Variants in CD53 observed in about 807,000 individuals in gnomAD.
CD53 encodes leukocyte surface antigen CD53.
A neutral mutation model predicts 27.3 loss-of-function variants in CD53; 20 were observed. That is an observed-to-expected ratio of 0.73 (90% confidence interval 0.52 to 1.07). The LOEUF is 1.07. CD53 is among the 50% of genes least tolerant of loss of function. The pLI, the probability that CD53 is intolerant of heterozygous loss-of-function variation, is 0.00. For missense variants in CD53, 216 were observed against 264.0 expected, an observed-to-expected ratio of 0.82 and a Z score of 1.26; for synonymous variants, 106 against 105.3, an observed-to-expected ratio of 1.01 and a Z score of -0.04.
intron 7 of CD53, 34 bp from the exon 8 acceptor site, chr1:110,899,090 T>G: frequency 6.4e-7 from 1 of 1,573,938 alleles, no homozygotes; most frequent in Non-Finnish European, 8.7e-7. Context: ...GCTTTTCTTA[T>G]GAAGACTTCA....
At position 110,892,415 on chromosome 1, in the gene CD53, A is replaced by G. The variant is rs1194580798; in HGVS notation, c.134A>G (p.His45Arg). 1.9e-6 allele frequency: 3 copies of G among 1,613,966 alleles called. No homozygotes were observed. The highest frequency in any genetic ancestry group is 1.3e-5 in the African/African-American group (1 of 75,022). ...CACAACAACTTCGGAGTGCTCTTCC[A>G]TAACCTCCCCTCCCTCACGCTGGGC... Reference protein sequence around the residue: ...LIHNNFGVLFHNLPSLTLGNV... With the variant: ...LIHNNFGVLFRNLPSLTLGNV... The change falls in exon 3 of 8, where the codon CAT becomes CGT. Residue 45 changes from histidine to arginine, a missense_variant. Coordinates refer to ENST00000271324, the MANE Select transcript of CD53 (RefSeq NM_000560.4).
At chr1:110,890,384 T>C (rs1339574580) in intron 1 of CD53, among the ~76,000 whole-genome samples, 3 of 152,118 alleles carry the variant, frequency 2.0e-5, no homozygotes, top group African/African-American at 7.2e-5. Flanking sequence ...CTAGGCAACA[T>C]GGTGAAACTT....
chr1:110,877,429 G>A (rs551182753), intron 1 of CD53, among the ~76,000 whole-genome samples: 2 of 152,176 alleles, frequency 1.3e-5, no homozygotes, highest in South Asian at 4.1e-4. Flanking sequence ...CTAGGAGGAC[G>A]GAGAACCTCT....
upstream of CD53, among the ~76,000 whole-genome samples, chr1:110,872,747 T>C (rs1656001588): frequency 6.6e-6 from 1 of 152,118 alleles, no homozygotes; most frequent in African/African-American, 2.4e-5. Flanking sequence ...TGTTTAGAAA[T>C]ATTGGTTCCT....
Position 110,899,177 on chromosome 1 carries a change from C to A in CD53, c.642C>A (p.Ser214Arg). 1 of 1,612,968 alleles carries A rather than the reference C, an allele frequency of 6.2e-7. No individual in the cohort carries two copies. Among genetic ancestry groups the A allele is most frequent in the Non-Finnish European group, 8.5e-7 (1 of 1,178,972 alleles). ...TGAACTGCCAGATTGACAAAACCAGCCAGACCATAGGGCTATGATCTGCAG... is the reference window on the plus strand; with the variant it reads ...TGAACTGCCAGATTGACAAAACCAGACAGACCATAGGGCTATGATCTGCAG... ...LTLNCQIDKT[S>R]QTIGL Residue 214 changes from serine (S) to arginine (R), a missense_variant, in exon 8 of 8, where the codon AGC (serine) becomes AGA (arginine). By Grantham distance (110) the Ser-to-Arg change is moderately radical. Coordinates refer to ENST00000271324, the MANE Select transcript of CD53 (RefSeq NM_000560.4).
chr1:110,871,676 C>T (rs903263779), upstream of CD53, among the ~76,000 whole-genome samples: 3 of 152,144 alleles, frequency 2.0e-5, no homozygotes, highest in Non-Finnish European at 4.4e-5. Flanking sequence ...AGCCTCTCCT[C>T]AGCCCCACCA....
chr1:110,888,728 A>G (rs751848062), intron 1 of CD53, among the ~76,000 whole-genome samples: 1 of 152,246 alleles, frequency 6.6e-6, no homozygotes, highest in Non-Finnish European at 1.5e-5. Context: ...TGTAATCCAT[A>G]TTGAAAAATT....
intron 1 of CD53, among the ~76,000 whole-genome samples, chr1:110,878,395 C>T (rs1036452809): frequency 1.3e-5 from 2 of 151,744 alleles, no homozygotes; most frequent in Non-Finnish European, 2.9e-5. Flanking sequence ...AATTACCTTG[C>T]GAATGCTCTT....
chr1:110,882,706 C>G (rs1032139791), intron 1 of CD53, among the ~76,000 whole-genome samples: 4 of 152,056 alleles, frequency 2.6e-5, no homozygotes, highest in Middle Eastern at 6.8e-3. Flanking sequence ...CGTGGTATAT[C>G]TCTCCATTAT....
At chr1:110,885,771 T>G (rs1460459818) in intron 1 of CD53, among the ~76,000 whole-genome samples, 8 of 144,462 alleles carry the variant, frequency 5.5e-5, no homozygotes, top group African/African-American at 2.1e-4. Context: ...GGCTGAGGCA[T>G]GAGAATTTCT....
intron 1 of CD53, among the ~76,000 whole-genome samples, chr1:110,883,100 A>C (rs1180903601): frequency 6.6e-6 from 1 of 151,976 alleles, no homozygotes; most frequent in Admixed American, 6.5e-5. Flanking sequence ...TGCCAAATAG[A>C]GTAGTTAAGA....
intron 1 of CD53, among the ~76,000 whole-genome samples, chr1:110,888,231 G>A (rs1170293161): frequency 1.3e-5 from 2 of 152,216 alleles, no homozygotes; most frequent in East Asian, 3.8e-4. Context: ...AAGGCACGAA[G>A]TTTGTGGTAA....
intron 1 of CD53, among the ~76,000 whole-genome samples, chr1:110,883,510 A>T (rs903746390): frequency 1.3e-5 from 2 of 151,796 alleles, no homozygotes; most frequent in African/African-American, 4.8e-5. Context: ...CCGTGGTTTT[A>T]TTTCTTGTAA....
At chr1:110,898,238 G>A (rs1185804121) in intron 7 of CD53, among the ~76,000 whole-genome samples, 2 of 151,906 alleles carry the variant, frequency 1.3e-5, no homozygotes, top group South Asian at 2.1e-4. Context: ...TTAACCAGAC[G>A]TAGTGGCAGG....
At position 110,892,408 on chromosome 1, in the gene CD53, C is replaced by T. The variant is rs1305862550; in HGVS notation, c.127C>T (p.Leu43Phe). The change falls in exon 3 of 8, where the codon CTC (leucine) becomes TTC (phenylalanine). Residue 43 changes from leucine (L) to phenylalanine (F), a missense_variant. Physicochemically the swap from Leu to Phe is conservative, Grantham distance 22 (BLOSUM62 0). Coordinates refer to ENST00000271324, the MANE Select transcript of CD53 (RefSeq NM_000560.4). ...GCTGATCCACAACAACTTCGGAGTGCTCTTCCATAACCTCCCCTCCCTCAC... is the reference window on the plus strand; with the variant it reads ...GCTGATCCACAACAACTTCGGAGTGTTCTTCCATAACCTCCCCTCCCTCAC... ...YLLIHNNFGV[L>F]FHNLPSLTLG... 6.2e-7 allele frequency: 1 copy of T among 1,613,786 alleles called. No individual in the cohort carries two copies.
rs548481296 is a variant in CD53, at chr1:110,899,549, C to G, written c.*354C>G. On this transcript the variant is annotated 3_prime_UTR_variant, in exon 8 of 8. Coordinates refer to ENST00000271324, the MANE Select transcript of CD53 (RefSeq NM_000560.4). Reference sequence around the variant, plus strand: ...CATCTTCCCATTGTCGAATTAGTCTCCAGCCTCTAAATAATGCCCAGTCTT... The same window carrying G: ...CATCTTCCCATTGTCGAATTAGTCTGCAGCCTCTAAATAATGCCCAGTCTT... The G allele has an allele frequency of 4.8e-6, 1 of 209,510 alleles. No homozygotes were observed. Among genetic ancestry groups the G allele is most frequent in the East Asian group, 1.5e-4 (1 of 6,644 alleles). The allele number at this position is 209,510 out of a possible 1,614,324, so 13.0% of individuals were successfully genotyped here.
At chr1:110,873,892 C>T (rs543029731) in intron 1 of CD53, among the ~76,000 whole-genome samples, 1 of 152,304 alleles carries the variant, frequency 6.6e-6, no homozygotes, top group South Asian at 2.1e-4. Flanking sequence ...CAGCATTTCC[C>T]CAAATTATCC....
chr1:110,897,803 TTC>T lies in CD53; in HGVS notation c.505-4_505-3del. On this transcript the variant is annotated splice_polypyrimidine_tract_variant and splice_region_variant and intron_variant, in intron 6 of 7. Transcript: ENST00000271324. Reference sequence around the variant, plus strand: ...TAGTATCATTTGTAACTGAAATGTCTTCTAGGGTTGCTATGCGAAAGCAAGAC... The same window carrying T: ...TAGTATCATTTGTAACTGAAATGTCTTAGGGTTGCTATGCGAAAGCAAGAC... 6.3e-7 allele frequency: 1 copy of T among 1,578,412 alleles called. No individual in the cohort carries two copies. The highest frequency in any genetic ancestry group is 8.7e-7 in the Non-Finnish European group (1 of 1,148,282).
At chr1:110,888,558 G>A (rs1656722376) in intron 1 of CD53, among the ~76,000 whole-genome samples, 1 of 152,144 alleles carries the variant, frequency 6.6e-6, no homozygotes, top group South Asian at 2.1e-4. Context: ...TTTCAGGTGA[G>A]GGGGTAAATC....
Sources: gnomAD v4.1 joint callset for allele counts (sites outside exome capture counted in the v4.1 genomes callset) on GRCh38, gnomAD v4.1.1 for gene constraint, MANE v1.5 for transcripts, NCBI Gene and HGNC (gene_info 2026-07-23, HGNC 2026-07-21) for gene names.